IL21: variants seen among roughly 807,000 people sequenced by gnomAD.
IL21 encodes interleukin 21.
Under a neutral mutation model 18.4 loss-of-function variants are expected in IL21, and 3 were observed. The ratio of observed to expected loss-of-function variants is 0.16; its 90% CI spans 0.07 to 0.42. IL21 has a LOEUF of 0.42. Ranked by LOEUF, IL21 falls within the 10% of genes least tolerant of loss-of-function variation. The probability of loss-of-function intolerance (pLI) is 0.99; values close to 1 mark genes in which losing one functional copy is unlikely to be tolerated. For missense variants in IL21, 130 were observed against 188.4 expected (o/e 0.69, Z 1.81); for synonymous variants, 37 against 62.0 (o/e 0.60, Z 1.90).
At position 122,620,868 on chromosome 4, in the gene IL21, C is replaced by T. The variant is rs1799417599; in HGVS notation, c.144G>A (p.Gln48=). ...CCAAGTCATTCACATAATTTTTCAG[C>T]TGATCAACAATATCTATAAGTTGAC... ...RMRQLIDIVD[Q]LKNYVNDLVP... Residue 48 remains glutamine (Q), a synonymous_variant, in exon 1 of 5, where the codon CAG becomes CAA. Coordinates refer to ENST00000648588, the MANE Select transcript of IL21 (RefSeq NM_021803.4). 9 of 1,614,024 alleles carry T rather than the reference C, an allele frequency of 5.6e-6. No individual in the cohort carries two copies. Among genetic ancestry groups the T allele is most frequent in the Non-Finnish European group, 7.6e-6 (9 of 1,179,928 alleles).
At chr4:122,616,297 C>T (rs1799336812) in intron 2 of IL21, among the ~76,000 whole-genome samples, 1 of 152,156 alleles carries the variant, frequency 6.6e-6, no homozygotes, top group Admixed American at 6.5e-5. Flanking sequence ...ATGTCTTGAG[C>T]AGCATTTTAT....
At chr4:122,615,278 T>G (rs1029487296) in intron 3 of IL21, among the ~76,000 whole-genome samples, 2 of 152,136 alleles carry the variant, frequency 1.3e-5, no homozygotes, top group Non-Finnish European at 2.9e-5. Context: ...TCCCCACACT[T>G]TGGGAGGCCA....
intron 3 of IL21, among the ~76,000 whole-genome samples, chr4:122,614,451 A>T (rs45575135): frequency 0.23 from 35,665 of 151,946 alleles, 4,357 homozygotes; most frequent in Non-Finnish European, 0.27. Flanking sequence ...TAACACCTGT[A>T]ATCCCAGCAC....
Position 122,612,716 on chromosome 4 carries a change from A to T in IL21, c.483T>A (p.Asp161Glu). The change falls in exon 5 of 5, where the codon GAT becomes GAA. Residue 161 changes from aspartate to glutamate, a missense_variant. By Grantham distance (45) the Asp-to-Glu change is conservative. Coordinates refer to ENST00000648588, the MANE Select transcript of IL21 (RefSeq NM_021803.4). Reference protein sequence around the residue: ...HLSSRTHGSEDS With the variant: ...HLSSRTHGSEES ...CCAACTGCAAGTTAGATCCTCAGGA[A>T]TCTTCACTTCCGTGTGTTCTAGAGG... 6.2e-7 allele frequency: 1 copy of T among 1,609,292 alleles called. No individual in the cohort carries two copies. Among genetic ancestry groups the T allele is most frequent in the Non-Finnish European group, 8.5e-7 (1 of 1,175,986 alleles).
At chr4:122,615,235 G>A (rs1373347981) in intron 3 of IL21, among the ~76,000 whole-genome samples, 1 of 152,120 alleles carries the variant, frequency 6.6e-6, no homozygotes, top group Admixed American at 6.5e-5. Flanking sequence ...AATGCACCAC[G>A]TATAGGCCGG....
intron 3 of IL21, among the ~76,000 whole-genome samples, chr4:122,613,274 C>A (rs992710714): frequency 1.3e-5 from 2 of 148,750 alleles, no homozygotes; most frequent in Admixed American, 1.3e-4. Flanking sequence ...AAAAATATGA[C>A]ATGTAGTGGT....
At chr4:122,615,327 C>T (rs1799321484) in intron 3 of IL21, among the ~76,000 whole-genome samples, 2 of 152,172 alleles carry the variant, frequency 1.3e-5, no homozygotes, top group African/African-American at 4.8e-5. Flanking sequence ...CGAGACCATC[C>T]TGGCTAACAT....
In IL21 at chr4:122,616,458, T is replaced by C. The variant is rs189746755; in HGVS notation, c.205-621A>G. Among the ~76,000 whole-genome samples, 4 of 152,320 alleles carry C rather than the reference T, an allele frequency of 2.6e-5. No individual in the cohort carries two copies. The East Asian group carries it at 7.7e-4, about 29-fold the overall frequency. ...AGCATATTTTACATCTAAGATTCAA[T>C]ATACTTGCCATAGATCACACATGAC... On this transcript the variant is annotated intron_variant, in intron 2 of 4. Transcript: ENST00000648588.
intron 2 of IL21, among the ~76,000 whole-genome samples, chr4:122,618,375 C>A (rs1368872954): frequency 1.3e-5 from 2 of 151,944 alleles, no homozygotes; most frequent in Non-Finnish European, 2.9e-5. Flanking sequence ...CCAAACTTGG[C>A]TTCCCAAAAG....
chr4:122,615,562 C>A (rs1233609891), intron 3 of IL21, 120 bp downstream of exon 3: 1 of 806,594 alleles, frequency 1.2e-6, no homozygotes, highest in African/African-American at 1.8e-5. Flanking sequence ...TATAATAAGG[C>A]ATAACTATAG....
rs567517587 is a variant in IL21, at chr4:122,611,075, T to C, written c.*1635A>G. 4.2e-4 allele frequency among the ~76,000 whole-genome samples: 64 copies of C among 152,336 alleles called. No individual in the cohort carries two copies. Among genetic ancestry groups the C allele is most frequent in the African/African-American group, 1.5e-3 (62 of 41,588 alleles). On this transcript the variant is annotated 3_prime_UTR_variant, in exon 5 of 5. Transcript: ENST00000648588. ...ATACAATATCCAAGAAGTTAATAGC[T>C]ATACATTCAGAAACAAGAAATACAG...
At chr4:122,619,668 T>A (rs981000474) in intron 2 of IL21, among the ~76,000 whole-genome samples, 1 of 152,254 alleles carries the variant, frequency 6.6e-6, no homozygotes, top group Non-Finnish European at 1.5e-5. Context: ...GTCTTTCCAA[T>A]AAGCTGAATG....
intron 2 of IL21, among the ~76,000 whole-genome samples, chr4:122,618,507 C>T (rs113087933): frequency 3.9e-5 from 6 of 152,140 alleles, no homozygotes; most frequent in African/African-American, 1.2e-4. Context: ...GCTAATTGGG[C>T]AAGACTACCT....
At position 122,620,717 on chromosome 4, in the gene IL21, G is replaced by A. The variant is rs998733287; in HGVS notation, c.188C>T (p.Ala63Val). The change falls in exon 2 of 5, where the codon GCT (alanine) becomes GTT (valine). Residue 63 changes from alanine to valine, a missense_variant. Physicochemically the swap from Ala to Val is moderately conservative, Grantham distance 64. Coordinates refer to ENST00000648588, the MANE Select transcript of IL21 (RefSeq NM_021803.4). ...TGGTCTTACCTCTACATCTTCTGGA[G>A]CTGGCAGAAATTCAGGGACCTAGAG... ...VNDLVPEFLP[A>V]PEDVETNCEW... 6.2e-7 allele frequency: 1 copy of A among 1,613,296 alleles called. No homozygotes were observed. Among genetic ancestry groups the A allele is most frequent in the Non-Finnish European group, 8.5e-7 (1 of 1,179,764 alleles).
At position 122,610,642 on chromosome 4, in the gene IL21, A is replaced by G. The variant is rs761009544; in HGVS notation, c.*2068T>C. On this transcript the variant is annotated 3_prime_UTR_variant, in exon 5 of 5. Coordinates refer to ENST00000648588, the MANE Select transcript of IL21 (RefSeq NM_021803.4). ...CAGCACTCTCATTCTACAGATAAAG[A>G]AATGGAAACCCAAAGAGTTTAAACA... is the stretch of plus-strand genomic sequence containing the variant. 2.8e-4 allele frequency among the ~76,000 whole-genome samples: 42 copies of G among 152,248 alleles called. No homozygotes were observed. The highest frequency in any genetic ancestry group is 5.6e-4 in the Non-Finnish European group (38 of 68,036).
chr4:122,617,493 A>T (rs1799352300), intron 2 of IL21, among the ~76,000 whole-genome samples: 1 of 152,240 alleles, frequency 6.6e-6, no homozygotes, highest in African/African-American at 2.4e-5. Flanking sequence ...TGTATGCTGA[A>T]AGAAAATTAG....
chr4:122,614,186 A>G (rs1371933549), intron 3 of IL21, among the ~76,000 whole-genome samples: 2 of 151,080 alleles, frequency 1.3e-5, no homozygotes, highest in Admixed American at 1.3e-4. Context: ...CTCATCTATA[A>G]GATGAACATG....
Position 122,620,696 on chromosome 4 carries a change from C to T in IL21, c.204+5G>A. The T allele has an allele frequency of 1.9e-6, 3 of 1,611,914 alleles. No individual in the cohort carries two copies. In the Admixed American group the frequency reaches 5.0e-5, roughly 27 times the overall value. On this transcript the variant is annotated splice_donor_5th_base_variant and intron_variant, in intron 2 of 4. Transcript: ENST00000648588. ...ATTTTCAGAAATAAATTCAACTGGT[C>T]TTACCTCTACATCTTCTGGAGCTGG... is the stretch of plus-strand genomic sequence containing the variant.
chr4:122,612,554 T>C lies in IL21; in HGVS notation c.*156A>G. ...AATAACATAGGAAATCAGACTATTG[T>C]ATAGTGATTATGGGGAAATAATCCT... is the stretch of plus-strand genomic sequence containing the variant. On this transcript the variant is annotated 3_prime_UTR_variant, in exon 5 of 5. Coordinates refer to ENST00000648588, the MANE Select transcript of IL21 (RefSeq NM_021803.4). 5.0e-6 allele frequency: 3 copies of C among 597,228 alleles called. 1 individual carries two copies. The highest frequency in any genetic ancestry group is 4.4e-5 in the South Asian group (2 of 45,862). 37.0% of individuals were successfully genotyped at this position (597,228 alleles called of 1,614,324 possible). A position where few individuals can be genotyped will look rare whatever the true frequency, so the allele number is the denominator to read the frequency against.
Sources: gnomAD v4.1 joint callset for allele counts (sites outside exome capture counted in the v4.1 genomes callset) on GRCh38, gnomAD v4.1.1 for gene constraint, MANE v1.5 for transcripts, NCBI Gene and HGNC (gene_info 2026-07-23, HGNC 2026-07-21) for gene names.